ROS1: variants seen among roughly 807,000 people sequenced by gnomAD.
The protein encoded by ROS1 is ROS proto-oncogene 1, receptor tyrosine kinase.
A neutral mutation model predicts 273.5 loss-of-function variants in ROS1; 263 were observed. The observed-to-expected ratio is 0.96, with a 90% confidence interval of 0.87 to 1.06. The LOEUF is 1.06. ROS1 is among the 50% of genes least tolerant of loss of function. The pLI, the probability that ROS1 is intolerant of heterozygous loss-of-function variation, is 0.00. For missense variants in ROS1, 2,833 were observed against 2,751.1 expected (o/e 1.03, Z -0.67); for synonymous variants, 1,008 against 954.1 (o/e 1.06, Z -1.04).
intron 13 of ROS1, among the ~76,000 whole-genome samples, chr6:117,388,588 G>A (rs1478357498): frequency 6.6e-6 from 1 of 152,158 alleles, no homozygotes; most frequent in Admixed American, 6.5e-5. Context: ...ATGGAACACA[G>A]CCACAGTTAT....
Position 117,308,939 on chromosome 6 carries a change from TA to T in ROS1, c.6417-12del, listed in dbSNP as rs765547144. 6.2e-7 allele frequency: 1 copy of T among 1,609,992 alleles called. No homozygotes were observed. The highest frequency in any genetic ancestry group is 1.1e-5 in the South Asian group (1 of 90,448). On this transcript the variant is annotated splice_polypyrimidine_tract_variant and intron_variant, in intron 41 of 43. Coordinates refer to ENST00000368507, the MANE Select transcript of ROS1 (RefSeq NM_001378902.1). ...AGAATTCCAAAAGACCTAAGAATAGTAGAGGGTTTGCTTTAATTATACTTAT... is the reference window on the plus strand; with the variant it reads ...AGAATTCCAAAAGACCTAAGAATAGTGAGGGTTTGCTTTAATTATACTTAT...
chr6:117,421,322 T>C (rs1430182631), intron 1 of ROS1, among the ~76,000 whole-genome samples: 2 of 151,408 alleles, frequency 1.3e-5, no homozygotes, highest in South Asian at 2.1e-4. Context: ...ATAAATTATA[T>C]AGTGGTGAAG....
intron 5 of ROS1, 140 bp from the exon 6 acceptor site, chr6:117,404,568 G>A: frequency 1.5e-6 from 1 of 657,772 alleles, no homozygotes. Flanking sequence ...AATAATCAAT[G>A]GTATGCATAT....
chr6:117,401,504 C>T (rs1006177842), intron 7 of ROS1, among the ~76,000 whole-genome samples: 2 of 152,170 alleles, frequency 1.3e-5, no homozygotes, highest in Non-Finnish European at 2.9e-5. Context: ...ATTCCTGCAG[C>T]CATCTTCTGG....
Position 117,323,494 on chromosome 6 carries a change from T to A in ROS1, c.5623+838A>T, listed in dbSNP as rs547262113. Among the ~76,000 whole-genome samples the A allele has an allele frequency of 4.6e-5, 7 of 152,258 alleles. No individual in the cohort carries two copies. In the East Asian group the frequency reaches 1.4e-3, roughly 29 times the overall value. The stretch of plus-strand genomic sequence containing the variant: ...GGTAAGAATCATGCCCTTCTTTTAA[T>A]GATTCAGTGTGTTGGGGACTCTCAA... On this transcript the variant is annotated intron_variant, in intron 35 of 43. Coordinates refer to ENST00000368507, the MANE Select transcript of ROS1 (RefSeq NM_001378902.1).
chr6:117,332,059 G>T (rs1438552754), intron 32 of ROS1, among the ~76,000 whole-genome samples: 1 of 151,898 alleles, frequency 6.6e-6, no homozygotes, highest in Non-Finnish European at 1.5e-5. Flanking sequence ...TGGATAAGGA[G>T]TCAAGACCCA....
At chr6:117,345,336 A>G (rs189020461) in intron 27 of ROS1, among the ~76,000 whole-genome samples, 4 of 152,242 alleles carry the variant, frequency 2.6e-5, no homozygotes, top group Admixed American at 2.0e-4. Flanking sequence ...CTGCCTTCCT[A>G]TTCCAGGTGA....
At chr6:117,380,316 C>T (rs528649545) in intron 17 of ROS1, among the ~76,000 whole-genome samples, 1 of 152,150 alleles carries the variant, frequency 6.6e-6, no homozygotes, top group African/African-American at 2.4e-5. Flanking sequence ...TATCCTGCTA[C>T]AAAGAAACAG....
At chr6:117,365,822 G>A in intron 19 of ROS1, 81 bp from the exon 20 acceptor site, 3 of 1,113,008 alleles carry the variant, frequency 2.7e-6, no homozygotes, top group Non-Finnish European at 3.8e-6. Flanking sequence ...AAAATCAATA[G>A]CAATTACTAA....
At position 117,364,694 on chromosome 6, in the gene ROS1, A is replaced by G. The variant is rs558725702; in HGVS notation, c.3103+366T>C. ...AAATTTAGATATCAGTTATTCACCTACAGAAGATTCTGAGTTCCCATCTAT... is the reference window on the plus strand; with the variant it reads ...AAATTTAGATATCAGTTATTCACCTGCAGAAGATTCTGAGTTCCCATCTAT... On this transcript the variant is annotated intron_variant, in intron 21 of 43. Transcript: ENST00000368507. Among the ~76,000 whole-genome samples the G allele has an allele frequency of 2.0e-5, 3 of 152,334 alleles. No homozygotes were observed. The South Asian group carries it at 6.2e-4, about 32-fold the overall frequency.
intron 27 of ROS1, among the ~76,000 whole-genome samples, chr6:117,346,378 T>C (rs948665147): frequency 6.6e-6 from 1 of 152,004 alleles, no homozygotes; most frequent in Non-Finnish European, 1.5e-5. Flanking sequence ...ATAATGTACC[T>C]AGAAACTAGC....
At chr6:117,380,233 T>C (rs1019168611) in intron 17 of ROS1, among the ~76,000 whole-genome samples, 22 of 152,050 alleles carry the variant, frequency 1.4e-4, no homozygotes, top group African/African-American at 5.3e-4. Context: ...TTTAAACAAA[T>C]ATGATGAGCC....
chr6:117,418,054 T>C (rs937097112), intron 2 of ROS1, among the ~76,000 whole-genome samples: 1 of 152,224 alleles, frequency 6.6e-6, no homozygotes, highest in African/African-American at 2.4e-5. Context: ...CCTGGCACAG[T>C]GCCTTGTGCA....
intron 26 of ROS1, among the ~76,000 whole-genome samples, chr6:117,353,516 G>A (rs774684252): frequency 1.3e-5 from 2 of 152,164 alleles, no homozygotes; most frequent in Non-Finnish European, 2.9e-5. Context: ...GCCAACCTGA[G>A]GGAAATATTA....
At position 117,288,183 on chromosome 6, in the gene ROS1, G is replaced by A; in HGVS notation, c.*309C>T. On this transcript the variant is annotated 3_prime_UTR_variant, in exon 44 of 44. Coordinates refer to ENST00000368507, the MANE Select transcript of ROS1 (RefSeq NM_001378902.1). Reference sequence around the variant, plus strand: ...TTTATTACAGCCCAAACTGAAAGGTGGGTAAGAGCCTAAAGCACCTCAAGG... The same window carrying A: ...TTTATTACAGCCCAAACTGAAAGGTAGGTAAGAGCCTAAAGCACCTCAAGG... 2.7e-6 allele frequency: 1 copy of A among 367,240 alleles called. No homozygotes were observed. The allele number at this position is 367,240 out of a possible 1,614,324, so 22.7% of individuals were successfully genotyped here.
At chr6:117,292,296 G>C (rs1321752214) in intron 43 of ROS1, among the ~76,000 whole-genome samples, 1 of 152,078 alleles carries the variant, frequency 6.6e-6, no homozygotes, top group Non-Finnish European at 1.5e-5. Context: ...ATGTATCTTT[G>C]CACATTAGAA....
intron 33 of ROS1, among the ~76,000 whole-genome samples, 176 bp downstream of exon 33, chr6:117,329,153 G>T (rs1019214751): frequency 1.3e-5 from 2 of 152,232 alleles, no homozygotes; most frequent in Non-Finnish European, 2.9e-5. Context: ...TAATTAGCAT[G>T]CCAAGACCAA....
chr6:117,294,669 A>T (rs1235324328), intron 43 of ROS1, among the ~76,000 whole-genome samples: 1 of 152,196 alleles, frequency 6.6e-6, no homozygotes, highest in African/African-American at 2.4e-5. Context: ...TACCAAAAAT[A>T]ATCTAGCTGA....
chr6:117,304,120 A>G (rs1344338304), intron 42 of ROS1, among the ~76,000 whole-genome samples: 2 of 152,184 alleles, frequency 1.3e-5, no homozygotes, highest in African/African-American at 4.8e-5. Flanking sequence ...TACAGTGCCA[A>G]GCTTGGCTCT....
Sources: gnomAD v4.1 joint callset for allele counts (sites outside exome capture counted in the v4.1 genomes callset) on GRCh38, gnomAD v4.1.1 for gene constraint, MANE v1.5 for transcripts, NCBI Gene and HGNC (gene_info 2026-07-23, HGNC 2026-07-21) for gene names.